RABEP2: variants seen among roughly 807,000 people sequenced by gnomAD.
RABEP2 encodes the protein rab GTPase-binding effector protein 2.
A neutral mutation model predicts 74.1 loss-of-function variants in RABEP2; 57 were observed. That is an observed-to-expected ratio of 0.77 (90% CI 0.62 to 0.96). RABEP2 has a LOEUF of 0.96. RABEP2 is among the 40% of genes least tolerant of loss of function. The probability of loss-of-function intolerance (pLI) is 0.00; values close to 1 mark genes in which losing one functional copy is unlikely to be tolerated. For synonymous variants in RABEP2, 351 were observed against 344.0 expected (o/e 1.02, Z -0.23); for missense variants, 692 against 756.3 (o/e 0.91, Z 1.00).
chr16:28,905,794 A>T (rs1220966003), intron 10 of RABEP2, 35 bp from the exon 11 acceptor site: 20 of 1,613,824 alleles, frequency 1.2e-5, no homozygotes, highest in Non-Finnish European at 1.6e-5. Context: ...CGTCAGGGCC[A>T]TGCCCTCTCC....
At chr16:28,907,139 CTT>C (rs1054903265) in intron 8 of RABEP2, among the ~76,000 whole-genome samples, 1 of 140,826 alleles carries the variant, frequency 7.1e-6, no homozygotes, top group African/African-American at 2.6e-5. Flanking sequence ...CCCCATGGAT[CTT>C]TTTTTTTGTT....
chr16:28,920,687 T>G (rs919310040), intron 2 of RABEP2, among the ~76,000 whole-genome samples: 1 of 150,950 alleles, frequency 6.6e-6, no homozygotes, highest in African/African-American at 2.4e-5. Context: ...CTCCCAGCCC[T>G]TTTTTTTTGT....
rs768426783 is a variant in RABEP2 at position 28,911,141 on chromosome 16, G to A, written c.933C>T (p.Arg311=). 2.4e-5 allele frequency: 39 copies of A among 1,612,206 alleles called. No individual in the cohort carries two copies. Among genetic ancestry groups the A allele is most frequent in the Non-Finnish European group, 2.7e-5 (32 of 1,180,006 alleles). ...GGCCCTCTTGGAGCTCGTCCCGCTC[G>A]CGACTGACGCTCTCCAGGTCCTTCT... is the stretch of plus-strand genomic sequence containing the variant. ...QLQKDLESVS[R]ERDELQEGLR... is the part of the protein sequence containing the mutation. The change falls in exon 6 of 13, where the codon CGC becomes CGT. Residue 311 remains arginine (R), a synonymous_variant. Transcript: ENST00000358201.
Position 28,905,893 on chromosome 16 carries a change from G to T in RABEP2, c.1424-15C>A. The T allele has an allele frequency of 1.9e-6, 3 of 1,613,666 alleles. No individual in the cohort carries two copies. The highest frequency in any genetic ancestry group is 1.7e-6 in the Non-Finnish European group (2 of 1,180,014). On this transcript the variant is annotated splice_polypyrimidine_tract_variant and intron_variant, in intron 9 of 12. Transcript: ENST00000358201. ...CTCCAGCACCTCTGTGGGAAGGAAAGAAAGAGAGGTCAAGGCCAGCCTCTC... is the reference window on the plus strand; with the variant it reads ...CTCCAGCACCTCTGTGGGAAGGAAATAAAGAGAGGTCAAGGCCAGCCTCTC...
chr16:28,916,869 A>T (rs1964403035), intron 3 of RABEP2, among the ~76,000 whole-genome samples: 2 of 151,082 alleles, frequency 1.3e-5, no homozygotes, highest in South Asian at 4.2e-4. Flanking sequence ...CTGTAATCCC[A>T]GCTACTTGGG....
rs774349228 is a variant in RABEP2, at chr16:28,911,045, C to T, written c.990+39G>A. The T allele has an allele frequency of 2.5e-6, 4 of 1,610,776 alleles. No homozygotes were observed. The South Asian group carries it at 4.4e-5, about 18-fold the overall frequency. On this transcript the variant is annotated intron_variant, in intron 6 of 12. Transcript: ENST00000358201. ...GGCATGTCAGGGGGCGGCAGGTAGC[C>T]AGAGGCCGGCTGGGGCTGCAGCAGC...
At chr16:28,922,871 G>A (rs554626268) in intron 2 of RABEP2, among the ~76,000 whole-genome samples, 2 of 151,710 alleles carry the variant, frequency 1.3e-5, no homozygotes, top group South Asian at 4.2e-4. Context: ...TCCAGTCTGG[G>A]TAACAGTGAG....
At chr16:28,924,960 G>T in intron 1 of RABEP2, 143 bp downstream of exon 1, 1 of 1,037,478 alleles carries the variant, frequency 9.6e-7, no homozygotes, top group Non-Finnish European at 1.4e-6. Context: ...TTTGCCTGTG[G>T]CTGTAGGCCC....
chr16:28,911,968 C>T (rs549324647), intron 5 of RABEP2, among the ~76,000 whole-genome samples: 27 of 149,848 alleles, frequency 1.8e-4, no homozygotes, highest in African/African-American at 5.7e-4. Flanking sequence ...GGATTCCAGC[C>T]GGGCATGGTG....
chr16:28,919,364 G>T (rs1964437763), intron 3 of RABEP2, among the ~76,000 whole-genome samples: 1 of 152,042 alleles, frequency 6.6e-6, no homozygotes, highest in Non-Finnish European at 1.5e-5. Flanking sequence ...TGGCCAGGCT[G>T]GTCTTGAACT....
chr16:28,905,415 T>A lies in RABEP2; in HGVS notation c.1590A>T (p.Arg530=). ...TSEQVQRDFV[R]LSQALQVRLE... Reference sequence around the variant, plus strand: ...GCCATACCTGCAGGGCCTGGGACAGTCGCACGAAATCCCTCTGCACCTGCT... The same window carrying A: ...GCCATACCTGCAGGGCCTGGGACAGACGCACGAAATCCCTCTGCACCTGCT... Residue 530 remains arginine (R), a synonymous_variant, in exon 12 of 13, where the codon CGA becomes CGT. Transcript: ENST00000358201. 1 of 1,606,306 alleles carries A rather than the reference T, an allele frequency of 6.2e-7. No individual in the cohort carries two copies. Among genetic ancestry groups the A allele is most frequent in the Admixed American group, 1.7e-5 (1 of 58,914 alleles).
At chr16:28,920,692 T>A (rs933498281) in intron 2 of RABEP2, among the ~76,000 whole-genome samples, 1 of 151,622 alleles carries the variant, frequency 6.6e-6, no homozygotes, top group Non-Finnish European at 1.5e-5. Context: ...AGCCCTTTTT[T>A]TTTGTTTGTT....
rs1270639930 is a variant in RABEP2, at chr16:28,906,100, T to G, written c.1342A>C (p.Thr448Pro). 3.1e-6 allele frequency: 5 copies of G among 1,596,720 alleles called. No homozygotes were observed. The highest frequency in any genetic ancestry group is 4.3e-6 in the Non-Finnish European group (5 of 1,172,682). ...GAERLRIEIV[T>P]LREALEEETV... The stretch of plus-strand genomic sequence containing the variant: ...TCCTCCTCCAGAGCCTCCCGCAGCG[T>G]CACGATCTCGATCCGCAGGCGCTCG... Residue 448 changes from threonine to proline, a missense_variant, in exon 9 of 13, where the codon ACG (threonine) becomes CCG (proline). Transcript: ENST00000358201.
intron 5 of RABEP2, among the ~76,000 whole-genome samples, chr16:28,912,288 T>C (rs1186808725): frequency 6.6e-6 from 1 of 151,596 alleles, no homozygotes; most frequent in Non-Finnish European, 1.5e-5. Context: ...CATTTCTTCC[T>C]GTCTCTGCGG....
intron 8 of RABEP2, among the ~76,000 whole-genome samples, chr16:28,908,230 C>T (rs762157594): frequency 1.4e-5 from 2 of 147,832 alleles, no homozygotes; most frequent in Non-Finnish European, 3.0e-5. Context: ...TGTGAGCCAT[C>T]GCGCCTGGCT....
rs749503688 is a variant in RABEP2, at chr16:28,904,949, G to A, written c.1704C>T (p.Asp568=). ...GTGGGGATATCCTGACCCCTCAGGTGTCCTTGATGTCCCTGACGTCCGTGA... is the reference window on the plus strand; with the variant it reads ...GTGGGGATATCCTGACCCCTCAGGTATCCTTGATGTCCCTGACGTCCGTGA... ...APLTDVRDIK[D]T is the part of the protein sequence containing the mutation. Residue 568 remains aspartate (D), a synonymous_variant, in exon 13 of 13, where the codon GAC becomes GAT. Coordinates refer to ENST00000358201, the MANE Select transcript of RABEP2 (RefSeq NM_024816.3). The A allele has an allele frequency of 6.2e-7, 1 of 1,610,978 alleles. No individual in the cohort carries two copies. The highest frequency in any genetic ancestry group is 1.1e-5 in the South Asian group (1 of 91,008).
Position 28,905,421 on chromosome 16 carries a change from G to A in RABEP2, c.1584C>T (p.Phe528=), listed in dbSNP as rs760970442. The change falls in exon 12 of 13, where the codon TTC becomes TTT. Residue 528 remains phenylalanine, a synonymous_variant. Coordinates refer to ENST00000358201, the MANE Select transcript of RABEP2 (RefSeq NM_024816.3). The part of the protein sequence containing the change: ...LETSEQVQRD[F]VRLSQALQVR... Reference sequence around the variant, plus strand: ...CCTGCAGGGCCTGGGACAGTCGCACGAAATCCCTCTGCACCTGCTCACTGG... The same window carrying A: ...CCTGCAGGGCCTGGGACAGTCGCACAAAATCCCTCTGCACCTGCTCACTGG... 8.7e-6 allele frequency: 14 copies of A among 1,606,844 alleles called. No individual in the cohort carries two copies. The highest frequency in any genetic ancestry group is 3.3e-4 in the Middle Eastern group (2 of 6,022).
At chr16:28,921,495 T>C (rs545052227) in intron 2 of RABEP2, among the ~76,000 whole-genome samples, 3 of 151,698 alleles carry the variant, frequency 2.0e-5, no homozygotes, top group Admixed American at 1.3e-4. Flanking sequence ...TGGTGGAATA[T>C]GTTGGAGGGA....
At chr16:28,922,586 G>A (rs559212783) in intron 2 of RABEP2, among the ~76,000 whole-genome samples, 6 of 152,122 alleles carry the variant, frequency 3.9e-5, no homozygotes, top group Admixed American at 2.0e-4. Flanking sequence ...TTAGTCAGGC[G>A]TGGTGGCGAG....
Sources: gnomAD v4.1 joint callset for allele counts (sites outside exome capture counted in the v4.1 genomes callset) on GRCh38, gnomAD v4.1.1 for gene constraint, MANE v1.5 for transcripts, NCBI Gene and HGNC (gene_info 2026-07-23, HGNC 2026-07-21) for gene names.